Variants in ZZZ3 observed in about 807,000 individuals in gnomAD.
ZZZ3 encodes the protein ZZ-type zinc finger-containing protein 3.
In ZZZ3, 22 loss-of-function variants were observed where a neutral mutation model predicts 95.2. The ratio of observed to expected loss-of-function variants is 0.23; its 90% CI spans 0.17 to 0.33. The LOEUF is 0.33. Ranked by LOEUF, ZZZ3 falls within the 10% of genes least tolerant of loss-of-function variation. The pLI is 1.00. For synonymous variants in ZZZ3, 335 were observed against 358.9 expected, an observed-to-expected ratio of 0.93 and a Z score of 0.75; for missense variants, 885 against 1,066.5, an observed-to-expected ratio of 0.83 and a Z score of 2.37.
chr1:77,607,416 T>C (rs1351940983), intron 5 of ZZZ3, among the ~76,000 whole-genome samples: 4 of 152,220 alleles, frequency 2.6e-5, no homozygotes, highest in African/African-American at 7.2e-5. Flanking sequence ...CATATCAAAC[T>C]GTTTTGAGGA....
chr1:77,563,041 G>A lies in ZZZ3; in HGVS notation c.*2599C>T, dbSNP rs570937576. 16 of 152,276 alleles carry A rather than the reference G, an allele frequency of 1.1e-4. No individual in the cohort carries two copies. The South Asian group carries it at 1.9e-3, about 18-fold the overall frequency. 9.4% of individuals were successfully genotyped at this position (152,276 alleles called of 1,614,324 possible). ...AGTTGTTAAGAATTAGTTATCATAT[G>A]CTTGCTTGGCACATAGTAAACACTG... On this transcript the variant is annotated 3_prime_UTR_variant, in exon 15 of 15. Coordinates refer to ENST00000370801, the MANE Select transcript of ZZZ3 (RefSeq NM_015534.6).
intron 5 of ZZZ3, among the ~76,000 whole-genome samples, chr1:77,607,919 C>CA (rs552924354): frequency 0.11 from 6,020 of 56,582 alleles, 185 homozygotes; most frequent in Middle Eastern, 0.19. Context: ...GACTCTGTCT[C>CA]AAAAAAAAAA....
At chr1:77,655,194 T>G (rs759845498) in intron 1 of ZZZ3, among the ~76,000 whole-genome samples, 7 of 152,166 alleles carry the variant, frequency 4.6e-5, no homozygotes, top group Non-Finnish European at 8.8e-5. Context: ...AATCCATTCA[T>G]GAGGGCAGAG....
chr1:77,593,202 T>G (rs1196014407), intron 5 of ZZZ3, among the ~76,000 whole-genome samples: 2 of 152,130 alleles, frequency 1.3e-5, no homozygotes, highest in African/African-American at 4.8e-5. Context: ...ATATCTCAGT[T>G]TGGAATTAAT....
intron 5 of ZZZ3, among the ~76,000 whole-genome samples, chr1:77,611,246 A>C (rs1002752740): frequency 2.0e-5 from 3 of 149,358 alleles, no homozygotes; most frequent in East Asian, 3.9e-4. Flanking sequence ...AAAAAAAAAA[A>C]AAAACAACCC....
At chr1:77,662,831 G>A (rs565480356) in intron 1 of ZZZ3, among the ~76,000 whole-genome samples, 9 of 152,250 alleles carry the variant, frequency 5.9e-5, no homozygotes, top group East Asian at 1.9e-4. Flanking sequence ...GAGGCCAGGT[G>A]CTGTGGCTCA....
At chr1:77,626,100 C>T (rs1667311431) in intron 5 of ZZZ3, among the ~76,000 whole-genome samples, 1 of 151,968 alleles carries the variant, frequency 6.6e-6, no homozygotes, top group Admixed American at 6.6e-5. Context: ...GTAGTTGAAA[C>T]AAAACAAGTT....
intron 1 of ZZZ3, among the ~76,000 whole-genome samples, chr1:77,679,269 G>A (rs1672535486): frequency 6.6e-6 from 1 of 152,072 alleles, no homozygotes; most frequent in Non-Finnish European, 1.5e-5. Context: ...TCTTGTAGGT[G>A]ACTCCAAACT....
chr1:77,669,645 A>AG (rs1269558367), intron 1 of ZZZ3, among the ~76,000 whole-genome samples: 4 of 151,726 alleles, frequency 2.6e-5, no homozygotes, highest in Non-Finnish European at 5.9e-5. Context: ...TTTAGTAGAG[A>AG]GGGGGTTTGT....
intron 6 of ZZZ3, among the ~76,000 whole-genome samples, chr1:77,584,200 C>T (rs1457537701): frequency 6.6e-6 from 1 of 151,780 alleles, no homozygotes; most frequent in African/African-American, 2.4e-5. Context: ...TCCCTAAGTC[C>T]TGAAACAGAG....
rs202144457 is a variant in ZZZ3 at position 77,568,314 on chromosome 1, A to G, written c.2466+18T>C. ...AATAAATAAAATGAAATGAATCCTA[A>G]AATTAAATAGAACTTACCTTAAAGC... On this transcript the variant is annotated intron_variant, in intron 13 of 14. Transcript: ENST00000370801. 2.4e-4 allele frequency: 375 copies of G among 1,557,554 alleles called. 2 individuals are homozygous for G. Among genetic ancestry groups the G allele is most frequent in the South Asian group, 4.7e-4 (39 of 82,814 alleles).
Position 77,640,620 on chromosome 1 carries a change from G to C in ZZZ3, c.-206+764C>G, listed in dbSNP as rs1342130005. ...AGTCTCAAAAAAAAAAAAAAAAAGA[G>C]AGAATGTACAATCTGCTAAATGGGT... On this transcript the variant is annotated intron_variant, in intron 3 of 14. Coordinates refer to ENST00000370801, the MANE Select transcript of ZZZ3 (RefSeq NM_015534.6). Among the ~76,000 whole-genome samples the C allele has an allele frequency of 6.0e-5, 9 of 149,368 alleles. No individual in the cohort carries two copies. In the South Asian group the frequency reaches 1.7e-3, roughly 28 times the overall value.
At chr1:77,666,628 T>G in intron 1 of ZZZ3, among the ~76,000 whole-genome samples, 1 of 152,114 alleles carries the variant, frequency 6.6e-6, no homozygotes, top group East Asian at 1.9e-4. Flanking sequence ...ATAAATAAAT[T>G]CAGCAAGTAT....
At chr1:77,590,004 T>TA (rs1019462118) in intron 5 of ZZZ3, among the ~76,000 whole-genome samples, 1 of 152,196 alleles carries the variant, frequency 6.6e-6, no homozygotes, top group Non-Finnish European at 1.5e-5. Context: ...GAAACATTTT[T>TA]AAAAATCCAT....
chr1:77,580,934 C>T (rs1279357374), intron 9 of ZZZ3, 64 bp downstream of exon 9: 18 of 1,408,902 alleles, frequency 1.3e-5, no homozygotes, highest in Non-Finnish European at 1.8e-5. Context: ...CCTCATAATA[C>T]TGACTCTGAT....
intron 5 of ZZZ3, among the ~76,000 whole-genome samples, chr1:77,626,226 C>T (rs1409348715): frequency 6.6e-6 from 1 of 152,160 alleles, no homozygotes; most frequent in Non-Finnish European, 1.5e-5. Context: ...CTTTTTGGCA[C>T]TGGGAACTGG....
In ZZZ3 at chr1:77,631,964, C is replaced by A; in HGVS notation, c.1391G>T (p.Gly464Val). Residue 464 changes from glycine (G) to valine (V), a missense_variant, in exon 5 of 15, where the codon GGA (glycine) becomes GTA (valine). By Grantham distance (109) the Gly-to-Val change is moderately radical. Transcript: ENST00000370801. The stretch of plus-strand genomic sequence containing the variant: ...ACTCTCTTTGGCAGATGGCAAATGT[C>A]CAATATTGAGTCTTGCCTCTGAGGG... ...KPPSEARLNI[G>V]HLPSAKESAS... 1 of 1,614,040 alleles carries A rather than the reference C, an allele frequency of 6.2e-7. No homozygotes were observed. The highest frequency in any genetic ancestry group is 8.5e-7 in the Non-Finnish European group (1 of 1,179,974).
At chr1:77,573,956 C>T (rs1486465755) in intron 12 of ZZZ3, among the ~76,000 whole-genome samples, 1 of 151,186 alleles carries the variant, frequency 6.6e-6, no homozygotes, top group Admixed American at 6.6e-5. Flanking sequence ...TTAACAGCAA[C>T]AAAAAGAAAT....
intron 1 of ZZZ3, among the ~76,000 whole-genome samples, chr1:77,673,715 C>CA (rs1422971339): frequency 6.6e-6 from 1 of 152,152 alleles, no homozygotes; most frequent in Non-Finnish European, 1.5e-5. Flanking sequence ...TTATAATCTA[C>CA]ACACCACAAT....
Sources: allele counts gnomAD v4.1 joint callset (sites outside exome capture counted in the v4.1 genomes callset), GRCh38; gene constraint gnomAD v4.1.1; transcripts MANE v1.5; gene names NCBI Gene and HGNC (gene_info 2026-07-23, HGNC 2026-07-21).